CELSR1: variants seen among roughly 807,000 people sequenced by gnomAD.
CELSR1 encodes the protein adhesion G protein-coupled receptor C1.
Under a neutral mutation model 249.1 loss-of-function variants are expected in CELSR1, and 110 were observed. The ratio of observed to expected loss-of-function variants is 0.44; its 90% CI spans 0.38 to 0.52. CELSR1 has a LOEUF of 0.52. Ranked by LOEUF, CELSR1 falls within the 20% of genes least tolerant of loss-of-function variation. The probability of loss-of-function intolerance (pLI) is 0.00; values close to 1 mark genes in which losing one functional copy is unlikely to be tolerated. For missense variants in CELSR1, 4,109 were observed against 4,296.4 expected, an observed-to-expected ratio of 0.96 and a Z score of 1.22; for synonymous variants, 2,113 against 1,900.0, an observed-to-expected ratio of 1.11 and a Z score of -2.92.
intron 20 of CELSR1, among the ~76,000 whole-genome samples, chr22:46,382,317 G>A (rs1007327234): frequency 8.6e-5 from 13 of 151,894 alleles, no homozygotes; most frequent in Non-Finnish European, 1.6e-4. Flanking sequence ...TTGCTCTGTC[G>A]CCCAGGCTGG....
At position 46,366,249 on chromosome 22, in the gene CELSR1, GT is replaced by G. The variant is rs56338809; in HGVS notation, c.8300+136del. The G allele has an allele frequency of 1.1e-4, 30 of 262,322 alleles. 2 individuals carry two copies. The highest frequency in any genetic ancestry group is 6.2e-4 in the African/African-American group (3 of 4,874). 16.2% of individuals were successfully genotyped at this position (262,322 alleles called of 1,614,324 possible). ...TGCGGGGCAGGGAGGGAAGTTGCGG[GT>G]GGGAAGAAGGTGCGGGTGGAAAGTT... On this transcript the variant is annotated intron_variant, in intron 30 of 34. Coordinates refer to ENST00000674500, the MANE Select transcript of CELSR1 (RefSeq NM_001378328.1).
rs1221261773 is a variant in CELSR1 at position 46,490,150 on chromosome 22, A to C, written c.3545-25805T>G. On this transcript the variant is annotated intron_variant, in intron 1 of 34. Coordinates refer to ENST00000674500, the MANE Select transcript of CELSR1 (RefSeq NM_001378328.1). This position sits in a 1 kb window ranked among gnomAD's most constrained non-coding sequence, Gnocchi z 5.2. ...ATGTCGACATGGCACTTCTACCTGG[A>C]GTGCATGGGTCCTGCTCTCCTCCAG... Among the ~76,000 whole-genome samples, 1 of 152,170 alleles carries C rather than the reference A, an allele frequency of 6.6e-6. No homozygotes were observed. The highest frequency in any genetic ancestry group is 1.5e-5 in the Non-Finnish European group (1 of 68,028).
Position 46,363,595 on chromosome 22 carries a change from G to T in CELSR1, c.9036-348C>A. 2.8e-6 allele frequency: 1 copy of T among 363,448 alleles called. No individual in the cohort carries two copies. Among genetic ancestry groups the T allele is most frequent in the Non-Finnish European group, 5.1e-6 (1 of 197,230 alleles). The allele number at this position is 363,448 out of a possible 1,614,324, so 22.5% of individuals were successfully genotyped here. On this transcript the variant is annotated intron_variant, in intron 34 of 34. Transcript: ENST00000674500. The surrounding 1 kb of genome is among the most constrained non-coding windows in gnomAD (Gnocchi z 4.3). ...GGGAGGGGCGACAGGGAGAGGTCTGGGGCCAGGACCCCAGCTCCACCCCGC... is the reference window on the plus strand; with the variant it reads ...GGGAGGGGCGACAGGGAGAGGTCTGTGGCCAGGACCCCAGCTCCACCCCGC...
In CELSR1 at chr22:46,391,037, G is replaced by A. The variant is rs1319823494; in HGVS notation, c.6250+149C>T. The A allele has an allele frequency of 1.5e-5, 10 of 657,500 alleles. No homozygotes were observed. The highest frequency in any genetic ancestry group is 1.3e-4 in the South Asian group (7 of 54,432). 40.7% of individuals were successfully genotyped at this position (657,500 alleles called of 1,614,324 possible). On this transcript the variant is annotated intron_variant, in intron 16 of 34. Transcript: ENST00000674500. This position sits in a 1 kb window ranked among gnomAD's most constrained non-coding sequence, Gnocchi z 4.3. ...CTCTGCCTGCTTTGTGTATTTCCTG[G>A]TAGGGAAAAGGCGATCGGATTTCTC...
chr22:46,533,919 T>C lies in CELSR1; in HGVS notation c.3252A>G (p.Arg1084=), dbSNP rs199514398. 4.3e-6 allele frequency: 7 copies of C among 1,613,108 alleles called. No homozygotes were observed. The Admixed American group carries it at 1.2e-4, about 27-fold the overall frequency. ...CCACGAGAAGGATGTGCACCGTGGC[T>C]CGGCTCACCAGCGGAGCCGACGTGG... The part of the protein sequence containing the change: ...VQATSAPLVS[R]ATVHILLVDQ... Residue 1084 remains arginine (R), a synonymous_variant, in exon 1 of 35, where the codon CGA becomes CGG. Transcript: ENST00000674500.
In CELSR1 at chr22:46,412,915, G is replaced by A. The variant is rs2079355360; in HGVS notation, c.4612-1156C>T. Among the ~76,000 whole-genome samples the A allele has an allele frequency of 1.3e-5, 2 of 152,322 alleles. No homozygotes were observed. Among genetic ancestry groups the A allele is most frequent in the Admixed American group, 6.5e-5 (1 of 15,306 alleles). On this transcript the variant is annotated intron_variant, in intron 5 of 34. Coordinates refer to ENST00000674500, the MANE Select transcript of CELSR1 (RefSeq NM_001378328.1). This position sits in a 1 kb window ranked among gnomAD's most constrained non-coding sequence, Gnocchi z 4.5. ...GATGAGCCAGGAGATCGCCAGGCAA[G>A]TGCCACCATGCCCCACAATTGGCAC...
At chr22:46,405,324 G>C (rs182201871) in intron 9 of CELSR1, among the ~76,000 whole-genome samples, 1 of 151,716 alleles carries the variant, frequency 6.6e-6, no homozygotes, top group Admixed American at 6.6e-5. Context: ...GCCAGGCGTC[G>C]TGGCAGGGGC....
rs2079085074 is a variant in CELSR1, at chr22:46,391,068, C to A, written c.6250+118G>T. 2.5e-6 allele frequency: 2 copies of A among 785,578 alleles called. No individual in the cohort carries two copies. The allele number at this position is 785,578 out of a possible 1,614,324, so 48.7% of individuals were successfully genotyped here. A position where few individuals can be genotyped will look rare whatever the true frequency, so the allele number is the denominator to read the frequency against. On this transcript the variant is annotated intron_variant, in intron 16 of 34. Coordinates refer to ENST00000674500, the MANE Select transcript of CELSR1 (RefSeq NM_001378328.1). The surrounding 1 kb of genome is among the most constrained non-coding windows in gnomAD (Gnocchi z 4.3). ...AAAAGGCGATCGGATTTCTCCCCAGCACTTTGCCTGCGGATATTTTTTCAA... is the reference window on the plus strand; with the variant it reads ...AAAAGGCGATCGGATTTCTCCCCAGAACTTTGCCTGCGGATATTTTTTCAA...
chr22:46,386,840 G>A (rs61571476), intron 18 of CELSR1, among the ~76,000 whole-genome samples: 7,487 of 152,040 alleles, frequency 0.049, 624 homozygotes, highest in African/African-American at 0.17. Flanking sequence ...TGCAACCTCC[G>A]CCTCCTGGGT....
At position 46,472,696 on chromosome 22, in the gene CELSR1, TG is replaced by T. The variant is rs2080168167; in HGVS notation, c.3545-8352del. Among the ~76,000 whole-genome samples, 1 of 152,210 alleles carries T rather than the reference TG, an allele frequency of 6.6e-6. No homozygotes were observed. The highest frequency in any genetic ancestry group is 6.5e-5 in the Admixed American group (1 of 15,282). The stretch of plus-strand genomic sequence containing the variant: ...TACAGGACATTCACTCTCTCCGTTT[TG>T]GAGGCCAGGGATCTGAAATTCAGGT... On this transcript the variant is annotated intron_variant, in intron 1 of 34. Transcript: ENST00000674500. The surrounding 1 kb of genome is among the most constrained non-coding windows in gnomAD (Gnocchi z 7.0).
rs750726241 is a variant in CELSR1 at position 46,367,121 on chromosome 22, G to T, written c.8080-3C>A. The T allele has an allele frequency of 6.2e-7, 1 of 1,610,252 alleles. No individual in the cohort carries two copies. The highest frequency in any genetic ancestry group is 8.5e-7 in the Non-Finnish European group (1 of 1,179,336). On this transcript the variant is annotated splice_polypyrimidine_tract_variant and splice_region_variant and intron_variant, in intron 28 of 34. Coordinates refer to ENST00000674500, the MANE Select transcript of CELSR1 (RefSeq NM_001378328.1). ...TGGAAAAGGAGGACGAAGGGGCCCT[G>T]GAGGGAGGAAGGTGGGGTCAGCACC...
rs1462599270 is a variant in CELSR1, at chr22:46,363,229, T to G, written c.9054A>C (p.Ser3018=). ...GSDSEGSNET[S]I The stretch of plus-strand genomic sequence containing the variant: ...AAGTTTCATTACTGATGGTTCAAAT[T>G]GAAGTTTCATTACTGCCTCTGCGCG... Residue 3018 remains serine (S), a synonymous_variant, in exon 35 of 35, where the codon TCA becomes TCC. Coordinates refer to ENST00000674500, the MANE Select transcript of CELSR1 (RefSeq NM_001378328.1). This position sits in a 1 kb window ranked among gnomAD's most constrained non-coding sequence, Gnocchi z 4.3. 1.3e-6 allele frequency: 2 copies of G among 1,594,398 alleles called. No individual in the cohort carries two copies. Among genetic ancestry groups the G allele is most frequent in the Non-Finnish European group, 1.7e-6 (2 of 1,178,432 alleles).
Position 46,433,524 on chromosome 22 carries a change from C to A in CELSR1, c.4523-43G>T. On this transcript the variant is annotated intron_variant, in intron 4 of 34. Coordinates refer to ENST00000674500, the MANE Select transcript of CELSR1 (RefSeq NM_001378328.1). The surrounding 1 kb of genome is among the most constrained non-coding windows in gnomAD (Gnocchi z 5.7). The stretch of plus-strand genomic sequence containing the variant: ...GACCCAGAGAGAAAACAGGGGTTGG[C>A]GGGGCCTACTGGGGACCGAGGATTG... The A allele has an allele frequency of 6.6e-7, 1 of 1,526,714 alleles. No individual in the cohort carries two copies. The highest frequency in any genetic ancestry group is 9.0e-7 in the Non-Finnish European group (1 of 1,108,222). The allele number at this position is 1,526,714 out of a possible 1,614,324, so 94.6% of individuals were successfully genotyped here. A position where few individuals can be genotyped will look rare whatever the true frequency, so the allele number is the denominator to read the frequency against.
chr22:46,516,171 G>A (rs181263468), intron 1 of CELSR1, among the ~76,000 whole-genome samples: 5 of 152,144 alleles, frequency 3.3e-5, no homozygotes, highest in South Asian at 2.1e-4. Context: ...TGTTTATTGC[G>A]GCACTACTCA....
chr22:46,482,070 G>C (rs918691054), intron 1 of CELSR1, among the ~76,000 whole-genome samples: 2 of 152,194 alleles, frequency 1.3e-5, no homozygotes, highest in Non-Finnish European at 1.5e-5. Context: ...ACTGCACCCG[G>C]CTGACTTTTA....
Position 46,412,707 on chromosome 22 carries a change from G to A in CELSR1, c.4612-948C>T, listed in dbSNP as rs905435531. Among the ~76,000 whole-genome samples, 9 of 152,140 alleles carry A rather than the reference G, an allele frequency of 5.9e-5. No individual in the cohort carries two copies. Among genetic ancestry groups the A allele is most frequent in the African/African-American group, 1.4e-4 (6 of 41,426 alleles). On this transcript the variant is annotated intron_variant, in intron 5 of 34. Coordinates refer to ENST00000674500, the MANE Select transcript of CELSR1 (RefSeq NM_001378328.1). The surrounding 1 kb of genome is among the most constrained non-coding windows in gnomAD (Gnocchi z 4.5). ...CATATCCACCCAGCCAGCCTCAGAC[G>A]CCCTTCCAGGAGGAAAAGCAGCACC...
intron 25 of CELSR1, among the ~76,000 whole-genome samples, chr22:46,371,695 G>A (rs1308165490): frequency 7.1e-6 from 1 of 141,694 alleles, no homozygotes. Context: ...CATATCCACT[G>A]ACTTATCCCA....
chr22:46,491,639 T>A (rs113309845), intron 1 of CELSR1, among the ~76,000 whole-genome samples: 4 of 25,886 alleles, frequency 1.5e-4, no homozygotes, highest in Non-Finnish European at 3.6e-4. Context: ...CTCTCTCTCT[T>A]TTTTTTTTTT....
intron 5 of CELSR1, among the ~76,000 whole-genome samples, chr22:46,420,048 G>A (rs906117717): frequency 2.8e-4 from 41 of 148,002 alleles, no homozygotes; most frequent in Non-Finnish European, 3.9e-4. Flanking sequence ...ACACTCAAAT[G>A]TGCACTCACC....
Sources: gnomAD v4.1 joint callset for allele counts (sites outside exome capture counted in the v4.1 genomes callset) on GRCh38, gnomAD v4.1.1 for gene constraint, Gnocchi (gnomAD v3.1) non-coding constraint, MANE v1.5 for transcripts, NCBI Gene and HGNC (gene_info 2026-07-23, HGNC 2026-07-21) for gene names.